The following AP1AR variants were observed in gnomAD, a reference collection of about 807,000 sequenced individuals.
The protein encoded by AP1AR is AP-1 complex-associated regulatory protein.
A neutral mutation model predicts 46.3 loss-of-function variants in AP1AR; 29 were observed. The observed-to-expected ratio is 0.63, with a 90% CI of 0.47 to 0.85. The LOEUF (loss-of-function observed/expected upper bound fraction) is 0.85, where lower values mean the gene tolerates loss of function less well. Ranked by LOEUF, AP1AR falls within the 40% of genes least tolerant of loss-of-function variation. The probability of loss-of-function intolerance (pLI) is 0.00; values close to 1 mark genes in which losing one functional copy is unlikely to be tolerated. For missense variants in AP1AR, 357 were observed against 356.3 expected (o/e 1.00, Z -0.02); for synonymous variants, 122 against 122.9 (o/e 0.99, Z 0.05).
rs1726892140 is a variant in AP1AR at position 112,270,159 on chromosome 4, TAAGAAAGCAAGA to T, written c.*1751_*1762del. 1 of 152,566 alleles carries T rather than the reference TAAGAAAGCAAGA, an allele frequency of 6.6e-6. No homozygotes were observed. Among genetic ancestry groups the T allele is most frequent in the African/African-American group, 2.4e-5 (1 of 41,446 alleles). 9.5% of individuals were successfully genotyped at this position (152,566 alleles called of 1,614,324 possible). ...ATCTGATGTGAAGACAAAAGTAAAT[TAAGAAAGCAAGA>T]TGGAACTAGAAAATGTGTTTTAACT... On this transcript the variant is annotated 3_prime_UTR_variant, in exon 10 of 10. Coordinates refer to ENST00000274000, the MANE Select transcript of AP1AR (RefSeq NM_018569.6).
At chr4:112,246,233 T>C (rs1291780589) in intron 1 of AP1AR, among the ~76,000 whole-genome samples, 2 of 152,152 alleles carry the variant, frequency 1.3e-5, no homozygotes, top group African/African-American at 4.8e-5. Context: ...AGGCTGGGTG[T>C]GGTGGCTCAC....
intron 1 of AP1AR, among the ~76,000 whole-genome samples, chr4:112,241,017 A>G (rs1725473082): frequency 6.6e-6 from 1 of 152,206 alleles, no homozygotes; most frequent in Admixed American, 6.5e-5. Flanking sequence ...GCAAAGAACT[A>G]AAAGACCTCT....
chr4:112,244,094 C>G (rs756079202), intron 1 of AP1AR, among the ~76,000 whole-genome samples: 1 of 152,060 alleles, frequency 6.6e-6, no homozygotes, highest in Non-Finnish European at 1.5e-5. Context: ...ATATAAGAGA[C>G]TAGTAATCAA....
chr4:112,268,350 G>A lies in AP1AR; in HGVS notation c.850G>A (p.Val284Ile). 2 of 1,612,468 alleles carry A rather than the reference G, an allele frequency of 1.2e-6. No individual in the cohort carries two copies. The highest frequency in any genetic ancestry group is 8.5e-7 in the Non-Finnish European group (1 of 1,179,008). ...NSEYSGFVNP[V>I]LELSDSGIRH... ...CGAGTATTCTGGATTTGTAAATCCT[G>A]TATTAGAACTGTCTGATTCTGGCAT... Residue 284 changes from valine to isoleucine, a missense_variant, in exon 10 of 10, where the codon GTA (valine) becomes ATA (isoleucine). Val to Ile is a conservative substitution (Grantham distance 29). Coordinates refer to ENST00000274000, the MANE Select transcript of AP1AR (RefSeq NM_018569.6).
chr4:112,254,834 G>A (rs1305705636), intron 3 of AP1AR, 61 bp downstream of exon 3: 6 of 829,264 alleles, frequency 7.2e-6, no homozygotes, highest in Non-Finnish European at 1.1e-5. Context: ...CGTCTCATTA[G>A]TTCTAACAAT....
At chr4:112,266,399 A>G (rs984826624) in intron 8 of AP1AR, among the ~76,000 whole-genome samples, 189 bp from the exon 9 acceptor site, 2 of 151,850 alleles carry the variant, frequency 1.3e-5, no homozygotes, top group African/African-American at 2.4e-5. Flanking sequence ...GGCAAAAAAA[A>G]AGAGAGAAAA....
intron 3 of AP1AR, chr4:112,254,974 T>G (rs1726119816): frequency 9.8e-6 from 3 of 304,788 alleles, no homozygotes; most frequent in East Asian, 5.6e-5. Flanking sequence ...TTTTTTTTTT[T>G]TCTTGAGACG....
chr4:112,270,385 TAAG>T lies in AP1AR; in HGVS notation c.*1977_*1979del, dbSNP rs902414809. Among the ~76,000 whole-genome samples the T allele has an allele frequency of 2.6e-5, 4 of 152,110 alleles. No individual in the cohort carries two copies. Among genetic ancestry groups the T allele is most frequent in the African/African-American group, 9.7e-5 (4 of 41,432 alleles). The stretch of plus-strand genomic sequence containing the variant: ...TTCTGGTGAGAGAGAGAGACAATAA[TAAG>T]TAAACATACATGCAAGAAAATCACA... On this transcript the variant is annotated 3_prime_UTR_variant, in exon 10 of 10. Transcript: ENST00000274000.
intron 1 of AP1AR, among the ~76,000 whole-genome samples, chr4:112,240,351 A>G (rs371137071): frequency 6.6e-6 from 1 of 152,172 alleles, no homozygotes; most frequent in East Asian, 1.9e-4. Context: ...CCTACCCTCC[A>G]GAGGGTAAGT....
At chr4:112,243,034 T>G (rs1289787577) in intron 1 of AP1AR, among the ~76,000 whole-genome samples, 2 of 152,314 alleles carry the variant, frequency 1.3e-5, no homozygotes, top group East Asian at 3.9e-4. Flanking sequence ...CACACCTGAA[T>G]ATACATGTTC....
chr4:112,232,760 G>A (rs1251080778), intron 1 of AP1AR, among the ~76,000 whole-genome samples: 1 of 152,094 alleles, frequency 6.6e-6, no homozygotes, highest in Admixed American at 6.5e-5. Flanking sequence ...ATAACTACAG[G>A]GACAATGTGT....
intron 6 of AP1AR, among the ~76,000 whole-genome samples, chr4:112,263,817 T>C (rs1017572104): frequency 6.6e-6 from 1 of 152,192 alleles, no homozygotes; most frequent in East Asian, 1.9e-4. Context: ...AAACTGAGAG[T>C]AGGATATGTT....
At chr4:112,243,572 A>G (rs1236935663) in intron 1 of AP1AR, among the ~76,000 whole-genome samples, 1 of 152,224 alleles carries the variant, frequency 6.6e-6, no homozygotes. Flanking sequence ...TGGCACTTGC[A>G]GGAGCAGCTT....
rs1726938912 is a variant in AP1AR, at chr4:112,271,290, A to T, written c.*2881A>T. On this transcript the variant is annotated 3_prime_UTR_variant, in exon 10 of 10. Transcript: ENST00000274000. ...GCAAAATACCTCCCTGTCTTGCAAA[A>T]GGCTGCCGTGAGGCAATTTCTCATC... Among the ~76,000 whole-genome samples the T allele has an allele frequency of 6.6e-6, 1 of 152,248 alleles. No individual in the cohort carries two copies. Among genetic ancestry groups the T allele is most frequent in the Non-Finnish European group, 1.5e-5 (1 of 68,046 alleles).
intron 1 of AP1AR, among the ~76,000 whole-genome samples, chr4:112,241,332 A>T (rs917991009): frequency 1.3e-5 from 2 of 152,204 alleles, no homozygotes; most frequent in Non-Finnish European, 2.9e-5. Flanking sequence ...ATATAAACAG[A>T]TATAAAATGA....
chr4:112,268,212 A>G lies in AP1AR; in HGVS notation c.712A>G (p.Lys238Glu). The G allele has an allele frequency of 1.2e-6, 2 of 1,612,162 alleles. No homozygotes were observed. The highest frequency in any genetic ancestry group is 1.1e-5 in the South Asian group (1 of 90,896). ...GGAAGACATTCTACGGGCAGCACTT[A>G]AGTATAGCAACAAGAAGACTGGAAG... The part of the protein sequence containing the change: ...TEEDILRAAL[K>E]YSNKKTGSNP... The change falls in exon 10 of 10, where the codon AAG becomes GAG. Residue 238 changes from lysine (K) to glutamate (E), a missense_variant. Around this residue, in one of 2 missense-constraint regions of AP1AR, gnomAD observed 88 missense variants for 132.7 expected, o/e 0.66. Coordinates refer to ENST00000274000, the MANE Select transcript of AP1AR (RefSeq NM_018569.6).
intron 8 of AP1AR, 133 bp downstream of exon 8, chr4:112,265,940 A>G (rs969614710): frequency 1.5e-5 from 9 of 585,050 alleles, no homozygotes; most frequent in Non-Finnish European, 2.4e-5. Context: ...TTTCCTAGGT[A>G]GTCATTAATT....
chr4:112,265,960 C>A (rs1156946345), intron 8 of AP1AR, among the ~76,000 whole-genome samples, 153 bp downstream of exon 8: 2 of 151,752 alleles, frequency 1.3e-5, no homozygotes, highest in Non-Finnish European at 3.0e-5. Flanking sequence ...TATACAACCT[C>A]ATCTTTTCTT....
At chr4:112,253,093 C>G (rs1419175785) in intron 1 of AP1AR, 115 bp from the exon 2 acceptor site, 1 of 667,084 alleles carries the variant, frequency 1.5e-6, no homozygotes, top group Non-Finnish European at 2.3e-6. Flanking sequence ...ATAAATATAA[C>G]TATATGTTAG....
Sources: gnomAD v4.1 joint callset for allele counts (sites outside exome capture counted in the v4.1 genomes callset) on GRCh38, gnomAD v4.1.1 for gene constraint, gnomAD v4.1.1 regional missense constraint, MANE v1.5 for transcripts, NCBI Gene and HGNC (gene_info 2026-07-23, HGNC 2026-07-21) for gene names.